Variants in DPP6 observed in about 807,000 individuals in gnomAD.
DPP6 encodes the protein dipeptidyl peptidase like 6.
A neutral mutation model predicts 122.6 loss-of-function variants in DPP6; 69 were observed. The observed-to-expected ratio is 0.56, with a 90% confidence interval of 0.46 to 0.69. The LOEUF (loss-of-function observed/expected upper bound fraction) is 0.69. Ranked by LOEUF, DPP6 falls within the 30% of genes least tolerant of loss-of-function variation. DPP6 has a pLI of 0.00. For missense variants in DPP6, 928 were observed against 1,116.9 expected, an observed-to-expected ratio of 0.83 and a Z score of 2.41; for synonymous variants, 418 against 433.1, an observed-to-expected ratio of 0.97 and a Z score of 0.43.
chr7:153,916,534 G>C (rs575740158), intron 1 of DPP6, among the ~76,000 whole-genome samples: 1 of 151,406 alleles, frequency 6.6e-6, no homozygotes, highest in Middle Eastern at 3.2e-3. Flanking sequence ...TCAGCCTCCC[G>C]AGTAGGTAGG....
intron 16 of DPP6, among the ~76,000 whole-genome samples, chr7:154,844,762 A>G (rs1801817870): frequency 6.6e-6 from 1 of 152,244 alleles, no homozygotes; most frequent in South Asian, 2.1e-4. Context: ...TTAGGAATCA[A>G]CAGATACAAA....
At chr7:154,584,971 G>A (rs992564862) in intron 5 of DPP6, among the ~76,000 whole-genome samples, 3 of 152,000 alleles carry the variant, frequency 2.0e-5, no homozygotes, top group African/African-American at 7.3e-5. Flanking sequence ...AATTCTATGA[G>A]CTTTAAGACC....
chr7:154,164,602 A>C (rs1440638552), intron 1 of DPP6, among the ~76,000 whole-genome samples: 4 of 152,214 alleles, frequency 2.6e-5, no homozygotes, highest in African/African-American at 7.2e-5. Context: ...ATAGAAATCC[A>C]ATATCCATTA....
At chr7:154,129,785 A>T (rs1252566763) in intron 1 of DPP6, among the ~76,000 whole-genome samples, 1 of 152,080 alleles carries the variant, frequency 6.6e-6, no homozygotes, top group Non-Finnish European at 1.5e-5. Flanking sequence ...CTGTAGTCCC[A>T]GCTACTAGGG....
At chr7:153,838,668 A>G in the DPP6 span, among the ~76,000 whole-genome samples, 4 of 152,194 alleles carry the variant, frequency 2.6e-5, no homozygotes, top group African/African-American at 9.7e-5. Context: ...ATTTTATGTC[A>G]CCTCATTCCA....
rs138676363 is a variant in DPP6 at position 154,851,136 on chromosome 7, G to A, written c.1667-2644G>A. Among the ~76,000 whole-genome samples, 416 of 152,224 alleles carry A rather than the reference G, an allele frequency of 2.7e-3. 2 individuals carry two copies. The highest frequency in any genetic ancestry group is 9.7e-3 in the African/African-American group (402 of 41,540). On this transcript the variant is annotated intron_variant, in intron 16 of 25. Coordinates refer to ENST00000377770, the MANE Select transcript of DPP6 (RefSeq NM_130797.4). The stretch of plus-strand genomic sequence containing the variant: ...TTATTCCTTTCTTTAGTGTCTTTTA[G>A]AAACATATATTAAGTTTATGAATTA...
At chr7:154,630,169 T>C (rs1164724240) in intron 5 of DPP6, among the ~76,000 whole-genome samples, 2 of 152,126 alleles carry the variant, frequency 1.3e-5, no homozygotes, top group East Asian at 3.9e-4. Flanking sequence ...TGCCTAATAG[T>C]AGTAGCTGTG....
chr7:154,174,721 G>A (rs951114224), intron 1 of DPP6, among the ~76,000 whole-genome samples: 3 of 152,024 alleles, frequency 2.0e-5, no homozygotes, highest in Admixed American at 1.3e-4. Context: ...TATTTTTCAG[G>A]AGACATCGAG....
intron 3 of DPP6, among the ~76,000 whole-genome samples, chr7:154,523,805 T>C (rs1010258251): frequency 6.6e-6 from 1 of 152,196 alleles, no homozygotes; most frequent in African/African-American, 2.4e-5. Context: ...TGTCCCATGA[T>C]TGGTGATTCG....
chr7:154,422,692 G>T (rs1262748786), intron 1 of DPP6, among the ~76,000 whole-genome samples: 4 of 143,502 alleles, frequency 2.8e-5, no homozygotes, highest in Non-Finnish European at 6.1e-5. Context: ...ATGGATGGAT[G>T]GTGAGTGGGT....
intron 7 of DPP6, among the ~76,000 whole-genome samples, chr7:154,714,937 A>G (rs1841394317): frequency 6.6e-6 from 1 of 152,214 alleles, no homozygotes; most frequent in African/African-American, 2.4e-5. Context: ...TGAGGATGAG[A>G]AATAACTTGG....
chr7:153,950,620 C>A (rs1802165469), intron 1 of DPP6, among the ~76,000 whole-genome samples: 1 of 152,168 alleles, frequency 6.6e-6, no homozygotes, highest in African/African-American at 2.4e-5. Flanking sequence ...AGATTGGCAG[C>A]CCCTTAGGCG....
intron 1 of DPP6, among the ~76,000 whole-genome samples, chr7:154,167,012 G>GT (rs1797285984): frequency 6.8e-6 from 1 of 146,528 alleles, no homozygotes; most frequent in East Asian, 2.0e-4. Context: ...TACAAAAATT[G>GT]TAAGTATGTG....
chr7:154,627,846 GGGATGTGACT>G (rs956835362), intron 5 of DPP6, among the ~76,000 whole-genome samples: 9 of 152,216 alleles, frequency 5.9e-5, no homozygotes, highest in Non-Finnish European at 1.2e-4. Flanking sequence ...ACGCCATGGA[GGGATGTGACT>G]TCTGCAGAAT....
the DPP6 span, among the ~76,000 whole-genome samples, chr7:153,814,520 A>G: frequency 3.1e-3 from 466 of 152,256 alleles, 4 homozygotes; most frequent in Middle Eastern, 0.02. Flanking sequence ...GCTGAATTCT[A>G]CCAGAGGTAC....
chr7:154,633,069 T>G (rs1346222470), intron 5 of DPP6, among the ~76,000 whole-genome samples: 2 of 152,194 alleles, frequency 1.3e-5, no homozygotes, highest in Non-Finnish European at 2.9e-5. Context: ...AGGAGAGATA[T>G]TAATGTAATG....
chr7:154,118,673 C>T (rs79667938), intron 1 of DPP6, among the ~76,000 whole-genome samples: 1 of 146,400 alleles, frequency 6.8e-6, no homozygotes, highest in Non-Finnish European at 1.5e-5. Context: ...TCATACAAAC[C>T]AAACGTGTAC....
the DPP6 span, among the ~76,000 whole-genome samples, chr7:153,810,625 G>A: frequency 1.4e-5 from 2 of 146,586 alleles, no homozygotes; most frequent in Admixed American, 6.8e-5. Flanking sequence ...TCTTCTACTT[G>A]TTTTCTCTCC....
Position 154,483,114 on chromosome 7 carries a change from C to T in DPP6, c.457+8077C>T, listed in dbSNP as rs552679753. The stretch of plus-strand genomic sequence containing the variant: ...CGGAGGGAAGAGGGGAAGAGGGACA[C>T]GGAGGTGTCTGAGGAAGTGTGGTCA... On this transcript the variant is annotated intron_variant, in intron 3 of 25. Coordinates refer to ENST00000377770, the MANE Select transcript of DPP6 (RefSeq NM_130797.4). This position sits in a 1 kb window ranked among gnomAD's most constrained non-coding sequence, Gnocchi z 8.1. 1.3e-4 allele frequency among the ~76,000 whole-genome samples: 20 copies of T among 152,030 alleles called. No homozygotes were observed. The highest frequency in any genetic ancestry group is 3.1e-4 in the African/African-American group (13 of 41,454).
Sources: gnomAD v4.1 joint callset for allele counts (sites outside exome capture counted in the v4.1 genomes callset) on GRCh38, gnomAD v4.1.1 for gene constraint, Gnocchi (gnomAD v3.1) non-coding constraint, MANE v1.5 for transcripts, NCBI Gene and HGNC (gene_info 2026-07-23, HGNC 2026-07-21) for gene names.